Variants in ARHGAP22 observed in about 807,000 individuals in gnomAD.
The protein encoded by ARHGAP22 is rho GTPase-activating protein 22.
A neutral mutation model predicts 59.1 loss-of-function variants in ARHGAP22; 48 were observed. The ratio of observed to expected loss-of-function variants is 0.81; its 90% confidence interval spans 0.64 to 1.03. The LOEUF (loss-of-function observed/expected upper bound fraction) is 1.03, where lower values mean the gene tolerates loss of function less well. Ranked by LOEUF, ARHGAP22 falls within the 50% of genes least tolerant of loss-of-function variation. ARHGAP22 has a pLI of 0.00. For missense variants in ARHGAP22, 1,015 were observed against 958.7 expected, an observed-to-expected ratio of 1.06 and a Z score of -0.78; for synonymous variants, 445 against 416.4, an observed-to-expected ratio of 1.07 and a Z score of -0.84.
At chr10:48,526,911 C>T (rs2054377101) in intron 3 of ARHGAP22, among the ~76,000 whole-genome samples, 1 of 152,228 alleles carries the variant, frequency 6.6e-6, no homozygotes, top group Non-Finnish European at 1.5e-5. Flanking sequence ...TTTGGTTTCA[C>T]ACACTTTAAT....
the ARHGAP22 span, chr10:48,431,350 C>A: frequency 2.3e-6 from 2 of 871,678 alleles, no homozygotes; most frequent in African/African-American, 3.4e-5. Flanking sequence ...ACCTGCAGTT[C>A]TTCCCATATT....
At chr10:48,529,620 T>C (rs1040688681) in intron 3 of ARHGAP22, among the ~76,000 whole-genome samples, 2 of 152,160 alleles carry the variant, frequency 1.3e-5, no homozygotes, top group African/African-American at 4.8e-5. Flanking sequence ...AGTGAGGCTG[T>C]CCTGGAAGTG....
At chr10:48,473,896 T>C (rs1442601081) in intron 4 of ARHGAP22, among the ~76,000 whole-genome samples, 1 of 152,192 alleles carries the variant, frequency 6.6e-6, no homozygotes, top group African/African-American at 2.4e-5. Flanking sequence ...ACCCACCAGA[T>C]GCCGAGGCAG....
chr10:48,440,948 G>A, the ARHGAP22 span, among the ~76,000 whole-genome samples: 3 of 152,182 alleles, frequency 2.0e-5, no homozygotes, highest in Non-Finnish European at 2.9e-5. Flanking sequence ...TTGGACCTGG[G>A]GGAAGGCTGA....
intron 4 of ARHGAP22, among the ~76,000 whole-genome samples, chr10:48,468,463 C>T (rs973407920): frequency 2.6e-5 from 4 of 152,168 alleles, no homozygotes; most frequent in Non-Finnish European, 4.4e-5. Flanking sequence ...CAAGGCCTTG[C>T]TGTAGCCCCT....
chr10:48,485,959 A>C (rs2049817798), intron 3 of ARHGAP22, among the ~76,000 whole-genome samples: 1 of 152,050 alleles, frequency 6.6e-6, no homozygotes, highest in Non-Finnish European at 1.5e-5. Context: ...TTATAATGTG[A>C]TTATTGGGAT....
At chr10:48,527,956 T>C (rs530253056) in intron 3 of ARHGAP22, among the ~76,000 whole-genome samples, 1 of 152,310 alleles carries the variant, frequency 6.6e-6, no homozygotes, top group Non-Finnish European at 1.5e-5. Flanking sequence ...CAATGGGCTC[T>C]GGGAGGAGGC....
chr10:48,560,829 T>C lies in ARHGAP22; in HGVS notation c.235-5279A>G, dbSNP rs2057639357. ...TAATTTTCAAACATTAAATCAACCT[T>C]GGACTTTTGGGATAAACCCCACTTT... On this transcript the variant is annotated intron_variant, in intron 2 of 9. Transcript: ENST00000249601. Among the ~76,000 whole-genome samples the C allele has an allele frequency of 2.0e-5, 3 of 152,188 alleles. No homozygotes were observed. The South Asian group carries it at 6.2e-4, about 31-fold the overall frequency.
intron 3 of ARHGAP22, among the ~76,000 whole-genome samples, chr10:48,513,429 G>A (rs2134587241): frequency 6.6e-6 from 1 of 152,314 alleles, no homozygotes; most frequent in South Asian, 2.1e-4. Flanking sequence ...GACTATGGCA[G>A]AGTCACAAAC....
At chr10:48,489,767 A>G (rs900449464) in intron 3 of ARHGAP22, among the ~76,000 whole-genome samples, 2 of 130,718 alleles carry the variant, frequency 1.5e-5, no homozygotes, top group Non-Finnish European at 3.1e-5. Context: ...GGAGTCTCAC[A>G]CTGTAGCCCA....
the ARHGAP22 span, chr10:48,438,930 A>G: frequency 2.0e-5 from 3 of 152,198 alleles, no homozygotes; most frequent in Admixed American, 1.3e-4. Flanking sequence ...GAAGAAATAA[A>G]TTACTTTTGT....
intron 7 of ARHGAP22, 84 bp downstream of exon 7, chr10:48,454,004 G>C: frequency 7.1e-7 from 1 of 1,414,088 alleles, no homozygotes; most frequent in Non-Finnish European, 1.0e-6. Context: ...CTCTGACAAG[G>C]AAGAGTTGCG....
chr10:48,595,350 G>A (rs748451496), intron 1 of ARHGAP22, among the ~76,000 whole-genome samples: 7 of 152,124 alleles, frequency 4.6e-5, no homozygotes, highest in Non-Finnish European at 5.9e-5. Context: ...TGGAGGGGCC[G>A]GGAAGAGATG....
At chr10:48,575,518 A>T (rs1211787840) in intron 2 of ARHGAP22, 1 of 152,102 alleles carries the variant, frequency 6.6e-6, no homozygotes, top group African/African-American at 2.4e-5. Flanking sequence ...TCCAATATTA[A>T]TGTTCCACTC....
intron 3 of ARHGAP22, among the ~76,000 whole-genome samples, chr10:48,485,817 T>C (rs879383196): frequency 6.6e-6 from 1 of 152,218 alleles, no homozygotes; most frequent in Non-Finnish European, 1.5e-5. Context: ...CATCCAGTTT[T>C]CTTTTGATTA....
intron 3 of ARHGAP22, among the ~76,000 whole-genome samples, chr10:48,528,484 A>T (rs550221283): frequency 2.0e-5 from 3 of 152,110 alleles, no homozygotes; most frequent in Non-Finnish European, 4.4e-5. Flanking sequence ...GCTGTAGGGG[A>T]CAGAAAGCCA....
chr10:48,533,234 C>A (rs1289120247), intron 3 of ARHGAP22, among the ~76,000 whole-genome samples: 1 of 144,710 alleles, frequency 6.9e-6, no homozygotes, highest in African/African-American at 2.5e-5. Flanking sequence ...GTGGGTATTA[C>A]TCTTTTTCTG....
intron 3 of ARHGAP22, among the ~76,000 whole-genome samples, chr10:48,511,777 G>T (rs1328562446): frequency 6.6e-6 from 1 of 152,238 alleles, no homozygotes; most frequent in Admixed American, 6.5e-5. Context: ...CCAGGGTGGG[G>T]TTGCCTGGTC....
At chr10:48,647,838 G>C (rs1488172073) in intron 1 of ARHGAP22, among the ~76,000 whole-genome samples, 2 of 152,136 alleles carry the variant, frequency 1.3e-5, no homozygotes, top group Admixed American at 6.5e-5. Context: ...CCCTACAAGG[G>C]AGTATTACTC....
Sources: gnomAD v4.1 joint callset for allele counts (sites outside exome capture counted in the v4.1 genomes callset) on GRCh38, gnomAD v4.1.1 for gene constraint, MANE v1.5 for transcripts, NCBI Gene and HGNC (gene_info 2026-07-23, HGNC 2026-07-21) for gene names.